CNTN4: variants seen among roughly 807,000 people sequenced by gnomAD.
CNTN4 encodes contactin 4, also known as contactin-4.
In CNTN4, 77 loss-of-function variants were observed where a neutral mutation model predicts 122.5. The observed-to-expected ratio is 0.63, with a 90% CI of 0.52 to 0.76. The LOEUF is 0.76. CNTN4 is among the 30% of genes least tolerant of loss of function. The pLI is 0.00. For synonymous variants in CNTN4, 512 were observed against 447.0 expected (o/e 1.15, Z -1.83); for missense variants, 1,256 against 1,259.1 (o/e 1.00, Z 0.04).
intron 4 of CNTN4, among the ~76,000 whole-genome samples, chr3:2,680,559 G>A (rs988879020): frequency 3.0e-4 from 45 of 152,176 alleles, no homozygotes; most frequent in African/African-American, 1.1e-3. Context: ...GGAGATGTGT[G>A]CAATTCTTTA....
intron 2 of CNTN4, among the ~76,000 whole-genome samples, chr3:2,159,833 T>A (rs938803042): frequency 5.9e-5 from 9 of 152,176 alleles, no homozygotes; most frequent in Non-Finnish European, 1.2e-4. Context: ...GCTCTTTTTT[T>A]TTTTTTAACA....
chr3:2,480,967 G>T (rs904600814), intron 3 of CNTN4, among the ~76,000 whole-genome samples: 1 of 152,014 alleles, frequency 6.6e-6, no homozygotes, highest in Non-Finnish European at 1.5e-5. Flanking sequence ...TTTGACAAAG[G>T]AGTAAAGGCA....
intron 4 of CNTN4, among the ~76,000 whole-genome samples, chr3:2,659,448 G>A (rs114419659): frequency 0.039 from 5,067 of 130,842 alleles, 126 homozygotes; most frequent in Middle Eastern, 0.056. Flanking sequence ...GGTGACAGAG[G>A]AGACTCCATC....
intron 5 of CNTN4, among the ~76,000 whole-genome samples, chr3:2,744,020 G>T (rs1273053227): frequency 6.6e-6 from 1 of 152,130 alleles, no homozygotes; most frequent in Non-Finnish European, 1.5e-5. Context: ...GTGCCATGTT[G>T]CCCAAGCTAT....
chr3:2,278,943 A>C (rs2041618225), intron 2 of CNTN4, among the ~76,000 whole-genome samples: 1 of 151,912 alleles, frequency 6.6e-6, no homozygotes, highest in Non-Finnish European at 1.5e-5. Flanking sequence ...TTAGGCTTAG[A>C]AGGAAATGAC....
intron 2 of CNTN4, among the ~76,000 whole-genome samples, chr3:2,267,800 T>C (rs1350147654): frequency 6.6e-6 from 1 of 152,114 alleles, no homozygotes; most frequent in Admixed American, 6.6e-5. Flanking sequence ...GTTTTGATTC[T>C]ACCACCAAGA....
At chr3:2,229,105 A>G (rs997470808) in intron 2 of CNTN4, among the ~76,000 whole-genome samples, 2 of 152,180 alleles carry the variant, frequency 1.3e-5, no homozygotes, top group Non-Finnish European at 2.9e-5. Flanking sequence ...CCATTCATTC[A>G]TTTATTGTAG....
At chr3:2,642,359 C>T (rs148881067) in intron 4 of CNTN4, among the ~76,000 whole-genome samples, 78 of 152,248 alleles carry the variant, frequency 5.1e-4, no homozygotes, top group African/African-American at 1.5e-3. Context: ...GTGGGTCTGC[C>T]GTTCCCAGTC....
chr3:2,789,438 C>T (rs2091939454), intron 6 of CNTN4, among the ~76,000 whole-genome samples: 1 of 152,126 alleles, frequency 6.6e-6, no homozygotes, highest in Non-Finnish European at 1.5e-5. Flanking sequence ...ACTCAGATTT[C>T]TTTTTTTCTT....
chr3:2,447,903 A>G (rs1467413949), intron 3 of CNTN4, among the ~76,000 whole-genome samples: 1 of 152,180 alleles, frequency 6.6e-6, no homozygotes. Flanking sequence ...GGATGAGGAA[A>G]TGTAGGTTTG....
chr3:2,478,736 A>G (rs1044050055), intron 3 of CNTN4, among the ~76,000 whole-genome samples: 10 of 152,168 alleles, frequency 6.6e-5, no homozygotes, highest in Non-Finnish European at 1.0e-4. Flanking sequence ...CTCCAGCTCC[A>G]TCCATGTCCC....
chr3:2,675,747 G>A (rs932684201), intron 4 of CNTN4, among the ~76,000 whole-genome samples: 3 of 152,192 alleles, frequency 2.0e-5, no homozygotes, highest in Non-Finnish European at 2.9e-5. Flanking sequence ...CTTGAGAGCA[G>A]CACCAGCAAC....
intron 12 of CNTN4, among the ~76,000 whole-genome samples, chr3:2,908,722 T>C (rs910594511): frequency 1.3e-5 from 2 of 152,162 alleles, no homozygotes; most frequent in Non-Finnish European, 2.9e-5. Flanking sequence ...TGTGAGAATA[T>C]TGTGAAAAAA....
intron 3 of CNTN4, among the ~76,000 whole-genome samples, chr3:2,495,324 T>G (rs888684738): frequency 6.6e-6 from 1 of 152,240 alleles, no homozygotes; most frequent in Non-Finnish European, 1.5e-5. Context: ...CCTGTGTGTT[T>G]TGAACTTCTT....
chr3:2,169,688 C>T (rs567805126), intron 2 of CNTN4, among the ~76,000 whole-genome samples: 149 of 152,204 alleles, frequency 9.8e-4, no homozygotes, highest in Non-Finnish European at 1.2e-3. Context: ...TGAGCCACCG[C>T]GCCCGGCCTA....
At chr3:2,287,760 G>T (rs962070976) in intron 2 of CNTN4, among the ~76,000 whole-genome samples, 3 of 146,192 alleles carry the variant, frequency 2.1e-5, no homozygotes, top group African/African-American at 8.1e-5. Flanking sequence ...AGAAGAAGAA[G>T]AAGAAGAAGA....
intron 2 of CNTN4, chr3:2,110,367 T>G (rs778502063): frequency 2.0e-5 from 3 of 152,244 alleles, no homozygotes; most frequent in African/African-American, 7.2e-5. Flanking sequence ...ATTAGGTAAA[T>G]GAACCGTATA....
At chr3:2,580,208 C>T (rs963261172) in intron 4 of CNTN4, among the ~76,000 whole-genome samples, 1 of 152,132 alleles carries the variant, frequency 6.6e-6, no homozygotes, top group African/African-American at 2.4e-5. Context: ...TTAGCAGCAG[C>T]AACAACAGCA....
At chr3:2,883,860 A>G (rs1247429154) in intron 9 of CNTN4, among the ~76,000 whole-genome samples, 3 of 152,358 alleles carry the variant, frequency 2.0e-5, no homozygotes, top group East Asian at 1.9e-4. Flanking sequence ...CTTACAGAAT[A>G]TATCAGACAG....
Sources: gnomAD v4.1 joint callset for allele counts (sites outside exome capture counted in the v4.1 genomes callset) on GRCh38, gnomAD v4.1.1 for gene constraint, MANE v1.5 for transcripts, NCBI Gene and HGNC (gene_info 2026-07-23, HGNC 2026-07-21) for gene names.